Variants in JAZF1 observed in about 807,000 individuals in gnomAD.
JAZF1 encodes JAZF zinc finger 1, also known as juxtaposed with another zinc finger protein 1.
JAZF1 carries 8 observed loss-of-function variants against 26.4 expected under a neutral mutation model. That is an observed-to-expected ratio of 0.30 (90% CI 0.18 to 0.55). The LOEUF (loss-of-function observed/expected upper bound fraction) is 0.55. JAZF1 is among the 20% of genes least tolerant of loss of function. The pLI, the probability that JAZF1 is intolerant of heterozygous loss-of-function variation, is 0.94. For synonymous variants in JAZF1, 126 were observed against 122.3 expected, an observed-to-expected ratio of 1.03 and a Z score of -0.20; for missense variants, 199 against 322.0, an observed-to-expected ratio of 0.62 and a Z score of 2.92.
intron 3 of JAZF1, among the ~76,000 whole-genome samples, chr7:27,887,911 G>A (rs1005587463): frequency 1.3e-5 from 2 of 152,044 alleles, no homozygotes; most frequent in Non-Finnish European, 2.9e-5. Context: ...CATAAGACTC[G>A]ACCATGACAC....
chr7:27,870,260 T>G (rs1783558037), intron 3 of JAZF1, among the ~76,000 whole-genome samples: 1 of 151,900 alleles, frequency 6.6e-6, no homozygotes, highest in Non-Finnish European at 1.5e-5. Context: ...TAAGCTCATT[T>G]CCTGGGGTCT....
chr7:28,120,492 C>A (rs957196470), intron 1 of JAZF1, among the ~76,000 whole-genome samples: 1 of 115,144 alleles, frequency 8.7e-6, no homozygotes, highest in African/African-American at 3.3e-5. Context: ...CCACTAGCCA[C>A]ACACAGTTCT....
In JAZF1 at chr7:27,831,686, TGAGAA is replaced by T. The variant is rs1182603141; in HGVS notation, c.*1109_*1113del. On this transcript the variant is annotated 3_prime_UTR_variant, in exon 5 of 5. Transcript: ENST00000283928. ...GAATGCAGACCTCTCTACAATGTGA[TGAGAA>T]AAGTACCTTTTAAAAAAAGTAAAAA... 4.0e-5 allele frequency: 9 copies of T among 225,124 alleles called. No homozygotes were observed. The highest frequency in any genetic ancestry group is 6.2e-5 in the Non-Finnish European group (7 of 112,770). 13.9% of individuals were successfully genotyped at this position (225,124 alleles called of 1,614,324 possible). A position where few individuals can be genotyped will look rare whatever the true frequency, so the allele number is the denominator to read the frequency against.
chr7:28,007,293 C>A (rs778301296), intron 1 of JAZF1, among the ~76,000 whole-genome samples: 1 of 152,144 alleles, frequency 6.6e-6, no homozygotes, highest in Non-Finnish European at 1.5e-5. Context: ...CATGATGAAA[C>A]CCCATCTCTA....
intron 3 of JAZF1, among the ~76,000 whole-genome samples, chr7:27,883,731 G>T (rs1157148522): frequency 1.3e-5 from 2 of 152,170 alleles, no homozygotes; most frequent in Non-Finnish European, 2.9e-5. Flanking sequence ...GGTGCTGTAA[G>T]TTCTATCAGA....
chr7:27,963,504 C>T (rs764338104), intron 2 of JAZF1, among the ~76,000 whole-genome samples: 1 of 151,266 alleles, frequency 6.6e-6, no homozygotes, highest in Non-Finnish European at 1.5e-5. Context: ...TGTGATGTGT[C>T]ACAAACATTC....
chr7:27,848,504 C>G (rs1783073758), intron 3 of JAZF1, among the ~76,000 whole-genome samples: 1 of 152,184 alleles, frequency 6.6e-6, no homozygotes, highest in African/African-American at 2.4e-5. Context: ...GGAGAATGCG[C>G]TCAGAGATCT....
chr7:28,001,097 T>C lies in JAZF1; in HGVS notation c.116-9116A>G, dbSNP rs190596546. On this transcript the variant is annotated intron_variant, in intron 1 of 4. Transcript: ENST00000283928. The stretch of plus-strand genomic sequence containing the variant: ...GGCCGGGCGCAGTGGCTCATGTCTG[T>C]AATCCTAGCACTTTGGGAGGCCAAG... 4.1e-3 allele frequency among the ~76,000 whole-genome samples: 628 copies of C among 152,096 alleles called. 10 individuals carry two copies. Among genetic ancestry groups the C allele is most frequent in the African/African-American group, 0.014 (600 of 41,512 alleles).
intron 1 of JAZF1, among the ~76,000 whole-genome samples, chr7:28,046,341 C>T (rs1451311767): frequency 1.3e-5 from 2 of 152,186 alleles, no homozygotes; most frequent in African/African-American, 4.8e-5. Context: ...CTTATGCTGA[C>T]ATATGGCATC....
rs374802089 is a variant in JAZF1, at chr7:28,026,573, CT to C, written c.116-34593del. 2.2e-4 allele frequency among the ~76,000 whole-genome samples: 34 copies of C among 152,276 alleles called. No individual in the cohort carries two copies. In the East Asian group the frequency reaches 5.8e-3, roughly 26 times the overall value. On this transcript the variant is annotated intron_variant, in intron 1 of 4. Coordinates refer to ENST00000283928, the MANE Select transcript of JAZF1 (RefSeq NM_175061.4). Reference sequence around the variant, plus strand: ...AATGAATGTTGAAAATGCATTCCCCCTAGAATGTGCTACTCATAAGAATTCC... The same window carrying C: ...AATGAATGTTGAAAATGCATTCCCCCAGAATGTGCTACTCATAAGAATTCC...
At chr7:28,014,162 T>C (rs1352528040) in intron 1 of JAZF1, among the ~76,000 whole-genome samples, 1 of 152,136 alleles carries the variant, frequency 6.6e-6, no homozygotes, top group African/African-American at 2.4e-5. Flanking sequence ...CTCTCTTTAC[T>C]GCCAGTTAAG....
intron 3 of JAZF1, among the ~76,000 whole-genome samples, chr7:27,870,075 A>ATTTTTTTTTT (rs371770357): frequency 4.5e-3 from 542 of 120,608 alleles, no homozygotes; most frequent in Non-Finnish European, 6.8e-3. Flanking sequence ...CACCCGGTTA[A>ATTTTTTTTTT]TTTTTTTTTT....
At chr7:28,049,373 C>T (rs1043475595) in intron 1 of JAZF1, among the ~76,000 whole-genome samples, 3 of 151,940 alleles carry the variant, frequency 2.0e-5, no homozygotes, top group Non-Finnish European at 2.9e-5. Flanking sequence ...CGTGAGCCAC[C>T]GCGCCCGGCC....
intron 4 of JAZF1, among the ~76,000 whole-genome samples, chr7:27,834,380 C>G (rs1782765923): frequency 6.6e-6 from 1 of 152,170 alleles, no homozygotes; most frequent in Admixed American, 6.5e-5. Flanking sequence ...GAGAACTCTG[C>G]TGGACTTTGT....
intron 1 of JAZF1, among the ~76,000 whole-genome samples, chr7:28,051,420 C>T (rs1449341318): frequency 6.6e-6 from 1 of 151,840 alleles, no homozygotes; most frequent in Admixed American, 6.6e-5. Flanking sequence ...TGGGGTTTCA[C>T]CATGTTGGCC....
chr7:27,926,347 C>A (rs1030910134), intron 2 of JAZF1, among the ~76,000 whole-genome samples: 1 of 152,210 alleles, frequency 6.6e-6, no homozygotes, highest in Admixed American at 6.5e-5. Flanking sequence ...ATACCTTCAA[C>A]AGCAACACTG....
chr7:27,914,768 T>C (rs1427567757), intron 2 of JAZF1: 6 of 471,056 alleles, frequency 1.3e-5, no homozygotes, highest in Admixed American at 7.0e-5. Context: ...GATGCTACAG[T>C]AGATCGGTTC....
intron 1 of JAZF1, among the ~76,000 whole-genome samples, chr7:28,168,722 T>C (rs997258364): frequency 3.3e-5 from 5 of 152,220 alleles, no homozygotes; most frequent in African/African-American, 2.4e-5. Context: ...ACTTGCTGTA[T>C]ATTAAAGGCC....
chr7:27,919,700 TG>T (rs1335254336), intron 2 of JAZF1, among the ~76,000 whole-genome samples: 1 of 152,228 alleles, frequency 6.6e-6, no homozygotes, highest in African/African-American at 2.4e-5. Flanking sequence ...AGCTCAGTTT[TG>T]TGCTATTTGA....
Sources: allele counts gnomAD v4.1 joint callset (sites outside exome capture counted in the v4.1 genomes callset), GRCh38; gene constraint gnomAD v4.1.1; transcripts MANE v1.5; gene names NCBI Gene and HGNC (gene_info 2026-07-23, HGNC 2026-07-21).